The following PTPRD variants were observed in gnomAD, a reference collection of about 807,000 sequenced individuals.
PTPRD encodes receptor-type tyrosine-protein phosphatase delta.
A neutral mutation model predicts 214.5 loss-of-function variants in PTPRD; 34 were observed. That is an observed-to-expected ratio of 0.16 (90% confidence interval 0.12 to 0.21). The LOEUF is 0.21. PTPRD is among the 10% of genes least tolerant of loss of function. PTPRD has a pLI of 1.00. For missense variants in PTPRD, 2,545 were observed against 2,398.7 expected (o/e 1.06, Z -1.27); for synonymous variants, 1,128 against 845.7 (o/e 1.33, Z -5.79).
intron 10 of PTPRD, 120 bp from the exon 11 acceptor site, chr9:9,018,855 G>A (rs757292350): frequency 6.6e-6 from 1 of 152,122 alleles, no homozygotes; most frequent in Non-Finnish European, 1.5e-5. Context: ...ATTCCAACAA[G>A]AAGTGAAATT....
At chr9:9,482,919 A>T (rs549529925) in intron 8 of PTPRD, among the ~76,000 whole-genome samples, 2 of 152,292 alleles carry the variant, frequency 1.3e-5, no homozygotes, top group African/African-American at 4.8e-5. Context: ...TAACATGTAG[A>T]CGCTACTCTC....
rs936794319 is a variant in PTPRD at position 8,340,714 on chromosome 9, C to A, written c.5127-245G>T. Among the ~76,000 whole-genome samples the A allele has an allele frequency of 2.0e-5, 3 of 151,926 alleles. No individual in the cohort carries two copies. In the East Asian group the frequency reaches 5.9e-4, roughly 30 times the overall value. ...TTTATCATTATTATTTGAATTTTAG[C>A]GCAATGCTAATAGCTCAATTTCATT... On this transcript the variant is annotated intron_variant, in intron 41 of 45. Transcript: ENST00000381196.
At chr9:9,027,907 T>G (rs2099592490) in intron 10 of PTPRD, among the ~76,000 whole-genome samples, 1 of 151,976 alleles carries the variant, frequency 6.6e-6, no homozygotes, top group Non-Finnish European at 1.5e-5. Context: ...GGTGGTAACA[T>G]AAAAGAATCC....
chr9:9,000,732 C>G (rs1358728466), intron 11 of PTPRD, among the ~76,000 whole-genome samples: 2 of 151,828 alleles, frequency 1.3e-5, no homozygotes, highest in Admixed American at 1.3e-4. Context: ...CTCATTCCAC[C>G]AAATTAAACC....
intron 2 of PTPRD, among the ~76,000 whole-genome samples, chr9:10,392,546 G>A (rs1334773619): frequency 4.0e-5 from 6 of 151,856 alleles, no homozygotes; most frequent in Non-Finnish European, 7.4e-5. Context: ...ACACAGTGCA[G>A]TGAATGTAAA....
At chr9:9,955,905 A>G (rs917904563) in intron 4 of PTPRD, among the ~76,000 whole-genome samples, 1 of 152,112 alleles carries the variant, frequency 6.6e-6, no homozygotes, top group Admixed American at 6.6e-5. Flanking sequence ...TGTTCCTGAA[A>G]CAGTATCAGA....
chr9:9,464,836 C>G (rs1244672377), intron 8 of PTPRD, among the ~76,000 whole-genome samples: 2 of 152,112 alleles, frequency 1.3e-5, no homozygotes, highest in Non-Finnish European at 1.5e-5. Context: ...CTTAAAGGTA[C>G]AGCAAAAAGT....
At chr9:9,209,655 A>T (rs2890858) in intron 9 of PTPRD, among the ~76,000 whole-genome samples, 30,901 of 152,104 alleles carry the variant, frequency 0.2, 3,373 homozygotes, top group Non-Finnish European at 0.24. Flanking sequence ...CTATAAATAA[A>T]CCAGACTGTT....
chr9:9,069,500 T>A (rs1303002759), intron 10 of PTPRD, among the ~76,000 whole-genome samples: 1 of 152,234 alleles, frequency 6.6e-6, no homozygotes, highest in Admixed American at 6.5e-5. Flanking sequence ...CAGAATGTAG[T>A]GAGCACAGAC....
chr9:9,096,323 T>C (rs58732232), intron 10 of PTPRD, among the ~76,000 whole-genome samples: 21,283 of 152,186 alleles, frequency 0.14, 1,739 homozygotes, highest in East Asian at 0.23. Context: ...CATAACATCA[T>C]GTTGTAGACC....
chr9:9,664,217 G>A (rs1215613069), intron 7 of PTPRD, among the ~76,000 whole-genome samples: 2 of 151,258 alleles, frequency 1.3e-5, no homozygotes, highest in African/African-American at 2.4e-5. Flanking sequence ...CCAGGTATGG[G>A]TTCTGACTAT....
chr9:9,996,186 T>G (rs1219452823), intron 4 of PTPRD, among the ~76,000 whole-genome samples: 1 of 152,172 alleles, frequency 6.6e-6, no homozygotes, highest in Non-Finnish European at 1.5e-5. Flanking sequence ...ACTGATATCC[T>G]TATATTGGTC....
intron 8 of PTPRD, among the ~76,000 whole-genome samples, chr9:9,408,207 C>T (rs2074202618): frequency 6.6e-6 from 1 of 151,794 alleles, no homozygotes. Flanking sequence ...TTTTCTTAAA[C>T]ATTCTGACAG....
intron 37 of PTPRD, among the ~76,000 whole-genome samples, chr9:8,388,328 T>C (rs1388475612): frequency 1.3e-5 from 2 of 152,180 alleles, no homozygotes; most frequent in Non-Finnish European, 2.9e-5. Context: ...TAAATATCCT[T>C]TTTGAGACTA....
At chr9:9,758,052 T>G (rs1019506750) in intron 6 of PTPRD, among the ~76,000 whole-genome samples, 3 of 150,500 alleles carry the variant, frequency 2.0e-5, no homozygotes, top group African/African-American at 7.4e-5. Flanking sequence ...TGGGGAAAAG[T>G]CCCCAAATAA....
At chr9:10,543,904 T>C (rs1290161617) in intron 2 of PTPRD, among the ~76,000 whole-genome samples, 1 of 152,142 alleles carries the variant, frequency 6.6e-6, no homozygotes, top group Non-Finnish European at 1.5e-5. Flanking sequence ...GGAATCTGCT[T>C]GTGATAGAAA....
chr9:8,645,686 G>T (rs994110793), intron 12 of PTPRD, among the ~76,000 whole-genome samples: 1 of 152,028 alleles, frequency 6.6e-6, no homozygotes, highest in Non-Finnish European at 1.5e-5. Flanking sequence ...AAGAGAGGAA[G>T]AAAAGATTTA....
rs77641173 is a variant in PTPRD at position 9,863,865 on chromosome 9, T to C, written c.-368+74642A>G. On this transcript the variant is annotated intron_variant, in intron 5 of 45. Transcript: ENST00000381196. Reference sequence around the variant, plus strand: ...AAAAAAAAAAAGCAGTACAAAGAAATGGACCCAAAGATTTGATTGAACTAT... The same window carrying C: ...AAAAAAAAAAAGCAGTACAAAGAAACGGACCCAAAGATTTGATTGAACTAT... Among the ~76,000 whole-genome samples, 45 of 150,080 alleles carry C rather than the reference T, an allele frequency of 3.0e-4. 1 individual carries two copies. The East Asian group carries it at 8.4e-3, about 28-fold the overall frequency.
At chr9:9,187,050 CTG>C (rs2099932082) in intron 9 of PTPRD, among the ~76,000 whole-genome samples, 4 of 151,692 alleles carry the variant, frequency 2.6e-5, no homozygotes, top group African/African-American at 9.7e-5. Flanking sequence ...AACAGAAACA[CTG>C]AAATTTATTT....
Sources: gnomAD v4.1 joint callset for allele counts (sites outside exome capture counted in the v4.1 genomes callset) on GRCh38, gnomAD v4.1.1 for gene constraint, MANE v1.5 for transcripts, NCBI Gene and HGNC (gene_info 2026-07-23, HGNC 2026-07-21) for gene names.